The following NDE1 variants were observed in gnomAD, a reference collection of about 807,000 sequenced individuals.
NDE1 encodes the protein nudE neurodevelopment protein 1, also known as nuclear distribution protein nudE homolog 1.
In NDE1, 28 loss-of-function variants were observed where a neutral mutation model predicts 43.4. The observed-to-expected ratio is 0.65, with a 90% confidence interval of 0.48 to 0.89. NDE1 has a LOEUF of 0.89. Among genes scored for constraint, NDE1 ranks in the 40% least tolerant of loss-of-function variants. NDE1 has a pLI of 0.00. For synonymous variants in NDE1, 184 were observed against 172.0 expected (o/e 1.07, Z -0.55); for missense variants, 441 against 434.1 (o/e 1.02, Z -0.14).
intron 4 of NDE1, chr16:15,684,383 G>C (rs191607798): frequency 6.6e-6 from 1 of 151,892 alleles, no homozygotes; most frequent in African/African-American, 2.4e-5. Flanking sequence ...ACCTGAAGTC[G>C]GGAGTTCGAG....
chr16:15,716,181 C>A (rs1160121402), intron 8 of NDE1, among the ~76,000 whole-genome samples: 2 of 152,148 alleles, frequency 1.3e-5, no homozygotes, highest in African/African-American at 4.8e-5. Flanking sequence ...CTCCCACCTA[C>A]CTCAGCCTCC....
chr16:15,684,554 G>A (rs1409710426), intron 4 of NDE1: 2 of 147,814 alleles, frequency 1.4e-5, no homozygotes, highest in African/African-American at 2.5e-5. Flanking sequence ...GGTGACAAGA[G>A]TGGAACTCCA....
chr16:15,716,086 G>A (rs2040116128), intron 8 of NDE1, among the ~76,000 whole-genome samples: 1 of 152,082 alleles, frequency 6.6e-6, no homozygotes, highest in Admixed American at 6.6e-5. Flanking sequence ...GGGAAACAGA[G>A]TGAGACTATG....
chr16:15,684,562 C>T (rs2038339037), intron 4 of NDE1: 1 of 143,842 alleles, frequency 7.0e-6, no homozygotes, highest in Non-Finnish European at 1.5e-5. Context: ...GAGTGGAACT[C>T]CATCTTAAAA....
intron 4 of NDE1, 96 bp from the exon 5 acceptor site, chr16:15,687,279 C>A (rs763860003): frequency 1.9e-6 from 3 of 1,603,902 alleles, no homozygotes; most frequent in African/African-American, 2.7e-5. Flanking sequence ...GGACTTGTGC[C>A]CAGGTGTGTC....
At chr16:15,645,469 A>T (rs1032225795), upstream of NDE1, among the ~76,000 whole-genome samples, 2 of 152,160 alleles carry the variant, frequency 1.3e-5, no homozygotes, top group Admixed American at 6.5e-5. Flanking sequence ...TGTCTCTATT[A>T]AAAAAATTTT....
At chr16:15,688,689 C>CATTTTTTT (rs2038570876) in intron 5 of NDE1, among the ~76,000 whole-genome samples, 1 of 59,990 alleles carries the variant, frequency 1.7e-5, no homozygotes, top group Non-Finnish European at 3.0e-5. Context: ...TTGTTTTTAC[C>CATTTTTTT]TTTTTTTTTT....
At position 15,725,148 on chromosome 16, in the gene NDE1, A is replaced by G. The variant is rs565400287; in HGVS notation, c.*897A>G. 4.3e-5 allele frequency: 26 copies of G among 608,050 alleles called. No homozygotes were observed. The African/African-American group carries it at 5.1e-4, about 12-fold the overall frequency. The allele number at this position is 608,050 out of a possible 1,614,324, so 37.7% of individuals were successfully genotyped here. A position where few individuals can be genotyped will look rare whatever the true frequency, so the allele number is the denominator to read the frequency against. On this transcript the variant is annotated 3_prime_UTR_variant, in exon 9 of 9. Transcript: ENST00000396354. Reference sequence around the variant, plus strand: ...TGGGACTCTGATAAAAAAAAAAAAAAACACACACACACACAAAAAAAACAG... The same window carrying G: ...TGGGACTCTGATAAAAAAAAAAAAAGACACACACACACACAAAAAAAACAG...
intron 5 of NDE1, among the ~76,000 whole-genome samples, chr16:15,689,445 T>C (rs2038616768): frequency 6.6e-6 from 1 of 152,132 alleles, no homozygotes; most frequent in Non-Finnish European, 1.5e-5. Context: ...TGAGCTATGA[T>C]TGTGCCACCG....
rs1303792010 is a variant in NDE1, at chr16:15,725,147, A to AC, written c.*896_*897insC. 6 of 655,316 alleles carry AC rather than the reference A, an allele frequency of 9.2e-6. No homozygotes were observed. Among genetic ancestry groups the AC allele is most frequent in the African/African-American group, 7.4e-5 (4 of 53,902 alleles). 40.6% of individuals were successfully genotyped at this position (655,316 alleles called of 1,614,324 possible). A position where few individuals can be genotyped will look rare whatever the true frequency, so the allele number is the denominator to read the frequency against. On this transcript the variant is annotated 3_prime_UTR_variant, in exon 9 of 9. Transcript: ENST00000396354. ...ATGGGACTCTGATAAAAAAAAAAAA[A>AC]AACACACACACACACAAAAAAAACA...
chr16:15,715,224 C>T lies in NDE1; in HGVS notation c.948-8967C>T, dbSNP rs537426836. On this transcript the variant is annotated intron_variant, in intron 8 of 8. Transcript: ENST00000396354. ...CCTCCACCTGCAGCAAGATTTCCTTCAGCTTCTTGTCTTTCTGCTTCAGCG... is the reference window on the plus strand; with the variant it reads ...CCTCCACCTGCAGCAAGATTTCCTTTAGCTTCTTGTCTTTCTGCTTCAGCG... 7 of 1,614,164 alleles carry T rather than the reference C, an allele frequency of 4.3e-6. 1 individual carries two copies. In the East Asian group the frequency reaches 1.1e-4, roughly 26 times the overall value.
chr16:15,653,750 C>T (rs1596541157), intron 1 of NDE1, among the ~76,000 whole-genome samples: 3 of 146,622 alleles, frequency 2.0e-5, no homozygotes, highest in South Asian at 2.1e-4. Flanking sequence ...TTTTTTGAGA[C>T]GGGTTCTCGC....
Position 15,694,176 on chromosome 16 carries a change from T to A in NDE1, c.715T>A (p.Ser239Thr). Residue 239 changes from serine (S) to threonine (T), a missense_variant, in exon 7 of 9, where the codon TCC (serine) becomes ACC (threonine). By Grantham distance (58) the Ser-to-Thr change is moderately conservative. Coordinates refer to ENST00000396354, the MANE Select transcript of NDE1 (RefSeq NM_017668.3). ...CTTTGCACACCCAGGCCTGGACGAC[T>A]CCACCGGGGGGACCCCCCTCACACC... ...PGSFRRGLDDSTGGTPLTPAA... is the reference protein window; with the variant it reads ...PGSFRRGLDDTTGGTPLTPAA... 6.2e-7 allele frequency: 1 copy of A among 1,612,792 alleles called. No homozygotes were observed. Among genetic ancestry groups the A allele is most frequent in the Middle Eastern group, 2.0e-4 (1 of 5,036 alleles).
At chr16:15,661,484 G>A (rs1172944760) in intron 1 of NDE1, among the ~76,000 whole-genome samples, 1 of 151,546 alleles carries the variant, frequency 6.6e-6, no homozygotes, top group South Asian at 2.1e-4. Flanking sequence ...TTTTGAGACG[G>A]GATCTTGCTG....
At chr16:15,719,092 C>A (rs1479479748) in intron 8 of NDE1, 2 of 884,520 alleles carry the variant, frequency 2.3e-6, no homozygotes, top group Non-Finnish European at 3.6e-6. Context: ...TGTGCCACTG[C>A]CCTCCAGCCT....
rs548430794 is a variant in NDE1, at chr16:15,678,102, A to T, written c.386+153A>T. ...TCTGGATTTTAGTGCCCGGGGGGAA[A>T]TGGACAATAGTCGAAGAAGTGCAAT... On this transcript the variant is annotated intron_variant, in intron 4 of 8. Transcript: ENST00000396354. Among the ~76,000 whole-genome samples the T allele has an allele frequency of 5.3e-5, 8 of 152,316 alleles. No homozygotes were observed. In the East Asian group the frequency reaches 1.4e-3, roughly 26 times the overall value.
chr16:15,670,225 G>T (rs1389342680), intron 3 of NDE1, among the ~76,000 whole-genome samples: 1 of 152,172 alleles, frequency 6.6e-6, no homozygotes, highest in Non-Finnish European at 1.5e-5. Flanking sequence ...AGTCAAAACT[G>T]TGTGTGCCCA....
intron 8 of NDE1, chr16:15,704,137 G>A (rs2039326665): frequency 1.9e-6 from 3 of 1,613,730 alleles, no homozygotes; most frequent in East Asian, 2.2e-5. Context: ...TGGGTTGTAA[G>A]AAAACACATT....
At chr16:15,686,319 T>G (rs1477005090) in intron 4 of NDE1, 1 of 944,438 alleles carries the variant, frequency 1.1e-6, no homozygotes, top group African/African-American at 1.8e-5. Context: ...CTATCCTTGT[T>G]TTGCATGAGA....
Sources: gnomAD v4.1 joint callset for allele counts (sites outside exome capture counted in the v4.1 genomes callset) on GRCh38, gnomAD v4.1.1 for gene constraint, MANE v1.5 for transcripts, NCBI Gene and HGNC (gene_info 2026-07-23, HGNC 2026-07-21) for gene names.